Variants in PLPP3 observed in about 807,000 individuals in gnomAD.
The protein encoded by PLPP3 is PAP2 beta.
A neutral mutation model predicts 29.6 loss-of-function variants in PLPP3; 6 were observed. That is an observed-to-expected ratio of 0.20 (90% CI 0.11 to 0.40). The LOEUF (loss-of-function observed/expected upper bound fraction) is 0.40. Among genes scored for constraint, PLPP3 ranks in the 10% least tolerant of loss-of-function variants. The pLI is 1.00. For synonymous variants in PLPP3, 152 were observed against 159.7 expected (o/e 0.95, Z 0.36); for missense variants, 308 against 407.7 (o/e 0.76, Z 2.11).
intron 1 of PLPP3, among the ~76,000 whole-genome samples, chr1:56,537,349 A>G (rs571956925): frequency 1.0e-3 from 154 of 152,228 alleles, no homozygotes; most frequent in African/African-American, 3.6e-3. Context: ...CTCTTCCCCA[A>G]GAGCTCGGAG....
At chr1:56,511,717 T>A (rs1484335781) in intron 5 of PLPP3, among the ~76,000 whole-genome samples, 1 of 151,956 alleles carries the variant, frequency 6.6e-6, no homozygotes, top group Non-Finnish European at 1.5e-5. Context: ...AATTGCAACA[T>A]TCTACGAGCC....
Position 56,536,969 on chromosome 1 carries a change from T to C in PLPP3, c.283A>G (p.Ile95Val). The change falls in exon 2 of 6, where the codon ATT (isoleucine) becomes GTT (valine). Residue 95 changes from isoleucine (I) to valine (V), a missense_variant. Physicochemically the swap from Ile to Val is conservative, Grantham distance 29. Coordinates refer to ENST00000371250, the MANE Select transcript of PLPP3 (RefSeq NM_003713.5). The stretch of plus-strand genomic sequence containing the variant: ...TGGACACTTACCGCGAGGATGGCAA[T>C]GACGATCCCCACGGCACAGAGCACA... Reference protein sequence around the residue: ...DAVLCAVGIVIAILAIITGEF... With the variant: ...DAVLCAVGIVVAILAIITGEF... 2 of 1,613,576 alleles carry C rather than the reference T, an allele frequency of 1.2e-6. No homozygotes were observed. The highest frequency in any genetic ancestry group is 4.5e-5 in the East Asian group (2 of 44,836).
chr1:56,557,997 C>CT (rs1646096602), intron 1 of PLPP3, among the ~76,000 whole-genome samples: 2 of 152,322 alleles, frequency 1.3e-5, no homozygotes, highest in South Asian at 4.1e-4. Flanking sequence ...TTTGAGAACT[C>CT]TGATGCCTTG....
At chr1:56,555,521 A>G (rs1440944595) in intron 1 of PLPP3, among the ~76,000 whole-genome samples, 1 of 151,856 alleles carries the variant, frequency 6.6e-6, no homozygotes, top group Non-Finnish European at 1.5e-5. Context: ...CAAGAGAAAA[A>G]TCGATGATAA....
At chr1:56,546,412 T>C (rs1441358959) in intron 1 of PLPP3, among the ~76,000 whole-genome samples, 4 of 152,224 alleles carry the variant, frequency 2.6e-5, no homozygotes, top group Non-Finnish European at 5.9e-5. Flanking sequence ...GGTAAACCTA[T>C]GAAAATAGAA....
chr1:56,528,244 CAG>C (rs1208059701), intron 2 of PLPP3, among the ~76,000 whole-genome samples: 1 of 152,142 alleles, frequency 6.6e-6, no homozygotes, highest in African/African-American at 2.4e-5. Context: ...TACAAGGGGA[CAG>C]AAAGGGATCA....
intron 4 of PLPP3, among the ~76,000 whole-genome samples, chr1:56,516,497 T>C (rs1356172255): frequency 1.3e-5 from 2 of 152,234 alleles, no homozygotes; most frequent in African/African-American, 4.8e-5. Context: ...CTAGGTGCCC[T>C]GAAAGGGTAA....
intron 1 of PLPP3, among the ~76,000 whole-genome samples, chr1:56,561,139 A>G (rs528028918): frequency 5.9e-5 from 9 of 151,332 alleles, no homozygotes; most frequent in East Asian, 3.9e-4. Context: ...GAGCCACTGC[A>G]CCCGGCCCAG....
At chr1:56,522,545 T>C (rs1645825798) in intron 4 of PLPP3, among the ~76,000 whole-genome samples, 1 of 152,206 alleles carries the variant, frequency 6.6e-6, no homozygotes, top group Admixed American at 6.5e-5. Flanking sequence ...GGAAGTGCTA[T>C]TCATGAACAC....
In PLPP3 at chr1:56,579,217, G is replaced by T. The variant is rs557063426; in HGVS notation, c.-201C>A. 77 of 595,032 alleles carry T rather than the reference G, an allele frequency of 1.3e-4. No homozygotes were observed. Among genetic ancestry groups the T allele is most frequent in the South Asian group, 1.0e-3 (47 of 45,778 alleles). 36.9% of individuals were successfully genotyped at this position (595,032 alleles called of 1,614,324 possible). ...AGGTGGTGTTTTCTGCTCCTCCTGC[G>T]CGCCTCTGCTTTCCTCTGTCAACCC... On this transcript the variant is annotated 5_prime_UTR_variant, in exon 1 of 6. Transcript: ENST00000371250.
chr1:56,565,103 C>G (rs1646152514), intron 1 of PLPP3, among the ~76,000 whole-genome samples: 1 of 152,214 alleles, frequency 6.6e-6, no homozygotes, highest in South Asian at 2.1e-4. Flanking sequence ...ACCCAAACAG[C>G]TACTTTGGGA....
chr1:56,574,222 A>G (rs12024140), intron 1 of PLPP3, among the ~76,000 whole-genome samples: 120,744 of 150,980 alleles, frequency 0.8, 49,504 homozygotes, highest in Non-Finnish European at 0.9. Flanking sequence ...AACCCTAACC[A>G]TTATGGACAG....
intron 2 of PLPP3, among the ~76,000 whole-genome samples, chr1:56,530,461 C>G (rs1339539965): frequency 6.6e-6 from 1 of 152,190 alleles, no homozygotes; most frequent in Non-Finnish European, 1.5e-5. Flanking sequence ...TCTAAGGTCA[C>G]ACCCATTCCC....
Position 56,579,208 on chromosome 1 carries a change from T to C in PLPP3, c.-192A>G, listed in dbSNP as rs1366169102. 3.2e-6 allele frequency: 2 copies of C among 626,380 alleles called. No individual in the cohort carries two copies. Among genetic ancestry groups the C allele is most frequent in the African/African-American group, 2.0e-5 (1 of 50,560 alleles). The allele number at this position is 626,380 out of a possible 1,614,324, so 38.8% of individuals were successfully genotyped here. On this transcript the variant is annotated 5_prime_UTR_variant, in exon 1 of 6. Coordinates refer to ENST00000371250, the MANE Select transcript of PLPP3 (RefSeq NM_003713.5). ...AACTGCAGAAGGTGGTGTTTTCTGC[T>C]CCTCCTGCGCGCCTCTGCTTTCCTC... is the stretch of plus-strand genomic sequence containing the variant.
At position 56,550,934 on chromosome 1, in the gene PLPP3, G is replaced by A. The variant is rs1274468015; in HGVS notation, c.140-13822C>T. Among the ~76,000 whole-genome samples the A allele has an allele frequency of 2.0e-5, 3 of 152,268 alleles. No individual in the cohort carries two copies. The East Asian group carries it at 5.8e-4, about 29-fold the overall frequency. On this transcript the variant is annotated intron_variant, in intron 1 of 5. Coordinates refer to ENST00000371250, the MANE Select transcript of PLPP3 (RefSeq NM_003713.5). ...ATCCCCAACTGGAATCTAATTGGAAGGACAAGAGGGGAGAGCAAGGCCCCC... is the reference window on the plus strand; with the variant it reads ...ATCCCCAACTGGAATCTAATTGGAAAGACAAGAGGGGAGAGCAAGGCCCCC...
chr1:56,520,604 C>A (rs1000110492), intron 4 of PLPP3, among the ~76,000 whole-genome samples: 2 of 118,526 alleles, frequency 1.7e-5, no homozygotes, highest in African/African-American at 6.0e-5. Flanking sequence ...TGGCTCATGC[C>A]TGTAATCCCA....
chr1:56,562,511 C>G (rs999810078), intron 1 of PLPP3, among the ~76,000 whole-genome samples: 2 of 151,802 alleles, frequency 1.3e-5, no homozygotes, highest in African/African-American at 4.8e-5. Flanking sequence ...TCAGACACAA[C>G]AAAAAAAATA....
At chr1:56,520,076 C>T (rs760987297) in intron 4 of PLPP3, among the ~76,000 whole-genome samples, 11 of 152,040 alleles carry the variant, frequency 7.2e-5, no homozygotes, top group Non-Finnish European at 1.3e-4. Flanking sequence ...TCAAATAGAG[C>T]CATTGTGATT....
chr1:56,541,298 A>G (rs146718626), intron 1 of PLPP3, among the ~76,000 whole-genome samples: 1,572 of 152,324 alleles, frequency 0.01, 20 homozygotes, highest in African/African-American at 0.036. Context: ...GCTATTAAAC[A>G]AATACAATTT....
Sources: gnomAD v4.1 joint callset for allele counts (sites outside exome capture counted in the v4.1 genomes callset) on GRCh38, gnomAD v4.1.1 for gene constraint, MANE v1.5 for transcripts, NCBI Gene and HGNC (gene_info 2026-07-23, HGNC 2026-07-21) for gene names.